ASIC2: variants seen among roughly 807,000 people sequenced by gnomAD.
ASIC2 encodes the protein acid sensing ion channel subunit 2, also known as acid-sensing ion channel 2.
ASIC2 carries 25 observed loss-of-function variants against 57.3 expected under a neutral mutation model. The observed-to-expected ratio is 0.44, with a 90% CI of 0.32 to 0.61. The LOEUF (loss-of-function observed/expected upper bound fraction) is 0.61. Among genes scored for constraint, ASIC2 ranks in the 20% least tolerant of loss-of-function variants. ASIC2 has a pLI of 0.06. For missense variants in ASIC2, 641 were observed against 738.1 expected, an observed-to-expected ratio of 0.87 and a Z score of 1.52; for synonymous variants, 319 against 307.5, an observed-to-expected ratio of 1.04 and a Z score of -0.39.
chr17:33,684,115 C>T (rs1908101204), intron 1 of ASIC2, among the ~76,000 whole-genome samples: 1 of 152,210 alleles, frequency 6.6e-6, no homozygotes, highest in Non-Finnish European at 1.5e-5. Flanking sequence ...TAATAATTCT[C>T]CATACTCTTT....
intron 1 of ASIC2, among the ~76,000 whole-genome samples, chr17:34,082,614 T>C (rs1380997314): frequency 6.6e-6 from 1 of 152,188 alleles, no homozygotes; most frequent in Non-Finnish European, 1.5e-5. Context: ...CAATCACCTG[T>C]CCCCGCCCCC....
intron 1 of ASIC2, among the ~76,000 whole-genome samples, chr17:33,170,918 C>G (rs1004121699): frequency 6.6e-6 from 1 of 152,154 alleles, no homozygotes; most frequent in Non-Finnish European, 1.5e-5. Context: ...CTTGTTGAAC[C>G]CAACATATGG....
intron 1 of ASIC2, among the ~76,000 whole-genome samples, chr17:33,650,923 C>T (rs1906899268): frequency 6.6e-6 from 1 of 152,086 alleles, no homozygotes; most frequent in Non-Finnish European, 1.5e-5. Flanking sequence ...TGTGTCAATG[C>T]CAATGTCCAG....
rs5820015 is a variant in ASIC2 at position 33,087,575 on chromosome 17, G to GTTTTTTTTTT, written c.987+1278_987+1287dup. 9.0e-5 allele frequency among the ~76,000 whole-genome samples: 10 copies of GTTTTTTTTTT among 111,040 alleles called. 1 individual carries two copies. Among genetic ancestry groups the GTTTTTTTTTT allele is most frequent in the African/African-American group, 3.2e-4 (9 of 27,714 alleles). The allele number at this position is 111,040 out of a possible 152,430, so 72.8% of individuals were successfully genotyped here. A position where few individuals can be genotyped will look rare whatever the true frequency, so the allele number is the denominator to read the frequency against. On this transcript the variant is annotated intron_variant, in intron 3 of 9. Coordinates refer to ENST00000225823, the MANE Select transcript of ASIC2 (RefSeq NM_183377.2). ...GCTCACGTATAGATTTACAACCAGT[G>GTTTTTTTTTT]TTTTTTTTTTTTTTTTTTTTGAGAC...
At chr17:33,472,207 A>C (rs1023622909) in intron 1 of ASIC2, among the ~76,000 whole-genome samples, 1 of 151,858 alleles carries the variant, frequency 6.6e-6, no homozygotes, top group Non-Finnish European at 1.5e-5. Context: ...TTTAGTAGAG[A>C]TGGGGTTTCA....
In ASIC2 at chr17:33,595,527, A is replaced by G. The variant is rs192388346; in HGVS notation, c.556-483460T>C. 7.2e-5 allele frequency among the ~76,000 whole-genome samples: 11 copies of G among 152,336 alleles called. No individual in the cohort carries two copies. The East Asian group carries it at 1.9e-3, about 27-fold the overall frequency. On this transcript the variant is annotated intron_variant, in intron 1 of 9. Coordinates refer to the ASIC2 transcript ENST00000359872. The stretch of plus-strand genomic sequence containing the variant: ...GTAAGAAGCATTGGGAGCCTCAGCT[A>G]TAGGGGCTTTTATTTCTGTTTCTTC...
chr17:33,807,980 T>A (rs946462783), intron 1 of ASIC2, among the ~76,000 whole-genome samples: 1 of 152,280 alleles, frequency 6.6e-6, no homozygotes, highest in Non-Finnish European at 1.5e-5. Context: ...TCCCAGTATG[T>A]GGCTTCTCAT....
intron 1 of ASIC2, among the ~76,000 whole-genome samples, chr17:33,337,166 C>T (rs2055712514): frequency 6.6e-6 from 1 of 152,170 alleles, no homozygotes; most frequent in South Asian, 2.1e-4. Flanking sequence ...TGTGGGAGCA[C>T]ACTGGCACTC....
At chr17:33,098,922 A>G (rs909252703) in intron 2 of ASIC2, among the ~76,000 whole-genome samples, 1 of 150,954 alleles carries the variant, frequency 6.6e-6, no homozygotes, top group South Asian at 2.1e-4. Context: ...ATATACACAC[A>G]CACAAAATAT....
chr17:33,253,549 C>T lies in ASIC2; in HGVS notation c.708+37859G>A, dbSNP rs533797623. On this transcript the variant is annotated intron_variant, in intron 1 of 9. Coordinates refer to ENST00000225823, the MANE Select transcript of ASIC2 (RefSeq NM_183377.2). ...CTTTTCTTTTTCCTACTTATTACTA[C>T]AGATGTTTACAAGAAGAAACAAAGG... Among the ~76,000 whole-genome samples, 4 of 152,254 alleles carry T rather than the reference C, an allele frequency of 2.6e-5. No individual in the cohort carries two copies. In the South Asian group the frequency reaches 6.2e-4, roughly 24 times the overall value.
intron 1 of ASIC2, among the ~76,000 whole-genome samples, chr17:33,977,700 C>G (rs1174319205): frequency 6.6e-6 from 1 of 152,196 alleles, no homozygotes; most frequent in Admixed American, 6.5e-5. Context: ...CCCCTTCCCT[C>G]TGGCCCCAAA....
chr17:33,543,104 G>A, intron 1 of ASIC2, among the ~76,000 whole-genome samples: 1 of 141,034 alleles, frequency 7.1e-6, no homozygotes, highest in East Asian at 2.1e-4. Context: ...CATGGACACA[G>A]GAAGGGGAAT....
chr17:34,043,870 C>T (rs1908229378), intron 1 of ASIC2, among the ~76,000 whole-genome samples: 1 of 152,130 alleles, frequency 6.6e-6, no homozygotes, highest in Non-Finnish European at 1.5e-5. Context: ...ACCAAGAGTG[C>T]AATTCCCTGC....
At chr17:33,383,908 A>T (rs1396044060) in intron 1 of ASIC2, among the ~76,000 whole-genome samples, 1 of 152,234 alleles carries the variant, frequency 6.6e-6, no homozygotes, top group Non-Finnish European at 1.5e-5. Flanking sequence ...GGGTGGCGTG[A>T]CTTAGCAGAA....
intron 1 of ASIC2, among the ~76,000 whole-genome samples, chr17:33,764,663 T>C (rs571412718): frequency 6.6e-6 from 1 of 152,274 alleles, no homozygotes; most frequent in South Asian, 2.1e-4. Flanking sequence ...TCCTCCATGA[T>C]AACCTATTCA....
chr17:34,108,064 T>C (rs1911124964), intron 1 of ASIC2, among the ~76,000 whole-genome samples: 2 of 152,178 alleles, frequency 1.3e-5, no homozygotes, highest in Non-Finnish European at 2.9e-5. Context: ...TTCTTACACA[T>C]GCTCATTTGT....
At chr17:33,949,511 A>G (rs1382288577) in intron 1 of ASIC2, among the ~76,000 whole-genome samples, 2 of 152,206 alleles carry the variant, frequency 1.3e-5, no homozygotes, top group South Asian at 2.1e-4. Flanking sequence ...AAGGTACCGC[A>G]TACCTTTTCT....
chr17:33,391,656 C>A (rs1909895046), intron 1 of ASIC2, among the ~76,000 whole-genome samples: 1 of 152,122 alleles, frequency 6.6e-6, no homozygotes, highest in Admixed American at 6.5e-5. Context: ...AGTGCCTTGA[C>A]CTTGAGTTGC....
At chr17:33,113,066 C>T (rs1336709015) in intron 1 of ASIC2, among the ~76,000 whole-genome samples, 1 of 152,170 alleles carries the variant, frequency 6.6e-6, no homozygotes, top group Admixed American at 6.5e-5. Context: ...ACATTGCTGG[C>T]ACACAATAGG....
Sources: allele counts gnomAD v4.1 joint callset (sites outside exome capture counted in the v4.1 genomes callset), GRCh38; gene constraint gnomAD v4.1.1; transcripts MANE v1.5; gene names NCBI Gene and HGNC (gene_info 2026-07-23, HGNC 2026-07-21).